PLCD1: variants seen among roughly 807,000 people sequenced by gnomAD.
The protein encoded by PLCD1 is 1-phosphatidylinositol 4,5-bisphosphate phosphodiesterase delta-1.
Under a neutral mutation model 87.4 loss-of-function variants are expected in PLCD1, and 71 were observed. That is an observed-to-expected ratio of 0.81 (90% CI 0.67 to 0.99). PLCD1 has a LOEUF of 0.99. Among genes scored for constraint, PLCD1 ranks in the 50% least tolerant of loss-of-function variants. The pLI is 0.00. For synonymous variants in PLCD1, 348 were observed against 399.2 expected (o/e 0.87, Z 1.53); for missense variants, 867 against 1,001.5 (o/e 0.87, Z 1.81).
rs114307531 is a variant in PLCD1, at chr3:38,027,260, A to C, written c.34+2246T>G. 9.4e-3 allele frequency among the ~76,000 whole-genome samples: 1,425 copies of C among 152,306 alleles called. 15 individuals carry two copies. Among genetic ancestry groups the C allele is most frequent in the Non-Finnish European group, 0.015 (1,045 of 68,006 alleles). ...TTATGATGCCCCCATCATCTCCCAA[A>C]GAACTACAGATGGCAACTCATAGGG... On this transcript the variant is annotated intron_variant, in intron 1 of 14. Coordinates refer to ENST00000334661, the MANE Select transcript of PLCD1 (RefSeq NM_006225.4).
chr3:38,018,278 C>T lies in PLCD1; in HGVS notation c.200-1559G>A, dbSNP rs916174096. The stretch of plus-strand genomic sequence containing the variant: ...GGCAGCCAACAAAGCAGGCTCAGCA[C>T]GAGACCCGTCTCAGGCGTCTGACCA... On this transcript the variant is annotated intron_variant, in intron 2 of 14. Transcript: ENST00000334661. The surrounding 1 kb of genome is among the most constrained non-coding windows in gnomAD (Gnocchi z 5.7). Among the ~76,000 whole-genome samples, 1 of 152,160 alleles carries T rather than the reference C, an allele frequency of 6.6e-6. No individual in the cohort carries two copies. The highest frequency in any genetic ancestry group is 6.5e-5 in the Admixed American group (1 of 15,274).
At position 38,018,084 on chromosome 3, in the gene PLCD1, TG is replaced by T. The variant is rs1700183788; in HGVS notation, c.200-1366del. Among the ~76,000 whole-genome samples the T allele has an allele frequency of 6.6e-6, 1 of 152,086 alleles. No individual in the cohort carries two copies. Among genetic ancestry groups the T allele is most frequent in the Admixed American group, 6.5e-5 (1 of 15,270 alleles). ...CTTTGGCCTCTGGGAACCAGAGTCA[TG>T]GGGGTGGGTAGTAGTGGCAGGATTG... On this transcript the variant is annotated intron_variant, in intron 2 of 14. Coordinates refer to ENST00000334661, the MANE Select transcript of PLCD1 (RefSeq NM_006225.4). This position sits in a 1 kb window ranked among gnomAD's most constrained non-coding sequence, Gnocchi z 5.7.
In PLCD1 at chr3:38,009,759, G is replaced by A. The variant is rs949792583; in HGVS notation, c.1340C>T (p.Pro447Leu). The change falls in exon 9 of 15, where the codon CCC (proline) becomes CTC (leucine). Residue 447 changes from proline (P) to leucine (L), a missense_variant. Transcript: ENST00000334661. ...CTCAGGGCCACCCTCCCCTCCAGGG[G>A]GCAGGAGCCCCCCGAGCTTCTTCCC... ...LKGKKLGGLL[P>L]PGGEGGPEAT... is the part of the protein sequence containing the mutation. 7.4e-6 allele frequency: 12 copies of A among 1,614,070 alleles called. No homozygotes were observed. Among genetic ancestry groups the A allele is most frequent in the Non-Finnish European group, 1.0e-5 (12 of 1,180,000 alleles).
chr3:38,020,064 G>A, intron 2 of PLCD1, 124 bp downstream of exon 2: 1 of 891,602 alleles, frequency 1.1e-6, no homozygotes, highest in East Asian at 2.4e-5. Flanking sequence ...AATGACCTAT[G>A]CCCCACCAGG....
rs1700027217 is a variant in PLCD1, at chr3:38,009,265, G to A, written c.1606+7C>T. On this transcript the variant is annotated splice_region_variant and intron_variant, in intron 10 of 14. Transcript: ENST00000334661. ...GAGCAGGGGAGTGGTGGGGAGCCAG[G>A]CCTCACCTGATTCTTGGAGCAGTCG... The A allele has an allele frequency of 6.2e-7, 1 of 1,614,066 alleles. No individual in the cohort carries two copies.
In PLCD1 at chr3:38,016,624, T is replaced by G. The variant is rs562194207; in HGVS notation, c.295A>C (p.Ile99Leu). 6.2e-6 allele frequency: 10 copies of G among 1,612,610 alleles called. No individual in the cohort carries two copies. Among genetic ancestry groups the G allele is most frequent in the Non-Finnish European group, 8.5e-6 (10 of 1,179,332 alleles). The change falls in exon 3 of 15, where the codon ATT (isoleucine) becomes CTT (leucine). Residue 99 changes from isoleucine to leucine, a missense_variant. Ile to Leu is a conservative substitution (Grantham distance 5). Coordinates refer to ENST00000334661, the MANE Select transcript of PLCD1 (RefSeq NM_006225.4). ...RDVPEDRCFS[I>L]VFKDQRNTLD... is the part of the protein sequence containing the mutation. ...GTATTGCGCTGGTCCTTGAAGACAA[T>G]GGAGAAGCAGCGGTCCTCGGGCACA...
intron 1 of PLCD1, among the ~76,000 whole-genome samples, chr3:38,027,406 A>G (rs1700320702): frequency 6.6e-6 from 1 of 152,202 alleles, no homozygotes; most frequent in Non-Finnish European, 1.5e-5. Flanking sequence ...TATGAGGTAG[A>G]TGGTATTATC....
In PLCD1 at chr3:38,008,446, G is replaced by A. The variant is rs1430421151; in HGVS notation, c.1902+12C>T. The A allele has an allele frequency of 6.2e-7, 1 of 1,614,120 alleles. No homozygotes were observed. The highest frequency in any genetic ancestry group is 1.7e-5 in the Admixed American group (1 of 60,022). On this transcript the variant is annotated intron_variant, in intron 12 of 14. Coordinates refer to ENST00000334661, the MANE Select transcript of PLCD1 (RefSeq NM_006225.4). ...GGTCCGTGGGCACCTGTCCCTCCTAGGTCCAGCGTACCCTGATGTTGAGCC... is the reference window on the plus strand; with the variant it reads ...GGTCCGTGGGCACCTGTCCCTCCTAAGTCCAGCGTACCCTGATGTTGAGCC...
chr3:38,009,136 G>A lies in PLCD1; in HGVS notation c.1629C>T (p.Asn543=), dbSNP rs146435554. 2.0e-3 allele frequency: 3,278 copies of A among 1,614,140 alleles called. 1 individual carries two copies. The highest frequency in any genetic ancestry group is 2.6e-3 in the Non-Finnish European group (3,125 of 1,179,990). The change falls in exon 11 of 15, where the codon AAC becomes AAT. Residue 543 remains asparagine (N), a synonymous_variant. Coordinates refer to ENST00000334661, the MANE Select transcript of PLCD1 (RefSeq NM_006225.4). ...GGTAGATTCTGCTCAGGTGCCCCAC[G>A]TTGTGGCGGACAAAGCCGTTTCCTG... The part of the protein sequence containing the change: ...QESGNGFVRH[N]VGHLSRIYPA...
Position 38,010,381 on chromosome 3 carries a change from G to C in PLCD1, c.972C>G (p.Ser324Arg). ...YLLEDQLAGPSSTEAYIRALC... is the reference protein window; with the variant it reads ...YLLEDQLAGPRSTEAYIRALC... ...AGCACCGGATGTAGGCTTCAGTGCT[G>C]CTGGGCCCGGCTAGCTGGTCCTCCA... Residue 324 changes from serine (S) to arginine (R), a missense_variant, in exon 6 of 15, where the codon AGC becomes AGG. By Grantham distance (110) the Ser-to-Arg change is moderately radical (BLOSUM62 -1). Transcript: ENST00000334661. 6.2e-7 allele frequency: 1 copy of C among 1,614,212 alleles called. No homozygotes were observed. Among genetic ancestry groups the C allele is most frequent in the Middle Eastern group, 1.6e-4 (1 of 6,062 alleles).
intron 9 of PLCD1, 55 bp downstream of exon 9, chr3:38,009,598 G>C (rs1016556802): frequency 6.2e-7 from 1 of 1,604,098 alleles, no homozygotes; most frequent in African/African-American, 1.3e-5. Context: ...GACCTCCCAC[G>C]GGTGAGGGGA....
intron 1 of PLCD1, among the ~76,000 whole-genome samples, chr3:38,023,389 C>G (rs1700262149): frequency 6.6e-6 from 1 of 152,096 alleles, no homozygotes; most frequent in Non-Finnish European, 1.5e-5. Context: ...GCCAGAGCAT[C>G]ATGATGATGA....
Position 38,011,904 on chromosome 3 carries a change from A to G in PLCD1, c.429-231T>C, listed in dbSNP as rs1228363419. On this transcript the variant is annotated intron_variant, in intron 3 of 14. Transcript: ENST00000334661. ...TTTAAAACATTTCTTTTCTTACTAC[A>G]AAAGGGCCCACTGTAGACAATTTAG... is the stretch of plus-strand genomic sequence containing the variant. 2.6e-5 allele frequency among the ~76,000 whole-genome samples: 4 copies of G among 152,344 alleles called. No individual in the cohort carries two copies. In the East Asian group the frequency reaches 7.7e-4, roughly 29 times the overall value.
rs1700038533 is a variant in PLCD1, at chr3:38,009,777, TTCTTCCCCTTCAGCAGGA to T, written c.1304_1321del (p.Ile435_Lys440del). The T allele has an allele frequency of 6.2e-7, 1 of 1,614,030 alleles. No homozygotes were observed. The highest frequency in any genetic ancestry group is 8.5e-7 in the Non-Finnish European group (1 of 1,180,008). On this transcript the variant is annotated inframe_deletion, in exon 9 of 15. Transcript: ENST00000334661. ...TCCAGGGGGCAGGAGCCCCCCGAGC[TTCTTCCCCTTCAGCAGGA>T]TCTTCCCCTTCAGTTGCTAGGTGGG...
At chr3:38,024,778 A>G in intron 1 of PLCD1, 1 of 1,282,154 alleles carries the variant, frequency 7.8e-7, no homozygotes, top group Non-Finnish European at 1.0e-6. Flanking sequence ...AGGAGGCGGG[A>G]CGAGAAGAAA....
Position 38,010,121 on chromosome 3 carries a change from G to T in PLCD1, c.1137+10C>A, listed in dbSNP as rs757502292. ...GCATCCCACTCCTCACCTGCCAGGG[G>T]CACTCCCACCTTGAAGGCATAGTCC... On this transcript the variant is annotated intron_variant, in intron 7 of 14. Coordinates refer to ENST00000334661, the MANE Select transcript of PLCD1 (RefSeq NM_006225.4). The T allele has an allele frequency of 1.2e-6, 2 of 1,614,246 alleles. No individual in the cohort carries two copies. The highest frequency in any genetic ancestry group is 1.7e-5 in the Admixed American group (1 of 60,026).
Position 38,017,139 on chromosome 3 carries a change from G to T in PLCD1, c.200-420C>A, listed in dbSNP as rs1700170697. On this transcript the variant is annotated intron_variant, in intron 2 of 14. Coordinates refer to ENST00000334661, the MANE Select transcript of PLCD1 (RefSeq NM_006225.4). The surrounding 1 kb of genome is among the most constrained non-coding windows in gnomAD (Gnocchi z 4.7). ...TGCGGACAGACCACTCTGGAGTGTG[G>T]GGCCCATGACAGAGAAGGGCCATGC... 6.6e-6 allele frequency among the ~76,000 whole-genome samples: 1 copy of T among 152,028 alleles called. No individual in the cohort carries two copies. The highest frequency in any genetic ancestry group is 1.9e-4 in the East Asian group (1 of 5,172).
Position 38,018,781 on chromosome 3 carries a change from G to C in PLCD1, c.199+1407C>G, listed in dbSNP as rs1444510926. ...ATGAAGGAGCCTGTCTGGCGCCACA[G>C]AGAAAAGGTCAGGCGGTCACTCCTG... On this transcript the variant is annotated intron_variant, in intron 2 of 14. Transcript: ENST00000334661. The surrounding 1 kb of genome is among the most constrained non-coding windows in gnomAD (Gnocchi z 5.7). 2.0e-5 allele frequency among the ~76,000 whole-genome samples: 3 copies of C among 152,176 alleles called. No homozygotes were observed. Among genetic ancestry groups the C allele is most frequent in the Non-Finnish European group, 2.9e-5 (2 of 68,024 alleles).
chr3:38,013,898 G>T (rs1700119341), intron 3 of PLCD1, among the ~76,000 whole-genome samples: 1 of 152,162 alleles, frequency 6.6e-6, no homozygotes, highest in African/African-American at 2.4e-5. Context: ...AATTAACAGG[G>T]CTCAAAATGT....
Sources: gnomAD v4.1 joint callset for allele counts (sites outside exome capture counted in the v4.1 genomes callset) on GRCh38, gnomAD v4.1.1 for gene constraint, Gnocchi (gnomAD v3.1) non-coding constraint, MANE v1.5 for transcripts, NCBI Gene and HGNC (gene_info 2026-07-23, HGNC 2026-07-21) for gene names.